FKBP8: variants seen among roughly 807,000 people sequenced by gnomAD.
FKBP8 encodes the protein peptidyl-prolyl cis-trans isomerase FKBP8.
FKBP8 carries 5 observed loss-of-function variants against 41.7 expected under a neutral mutation model. The observed-to-expected ratio is 0.12, with a 90% CI of 0.06 to 0.25. The LOEUF is 0.25. FKBP8 is among the 10% of genes least tolerant of loss of function. The pLI, the probability that FKBP8 is intolerant of heterozygous loss-of-function variation, is 1.00. For missense variants in FKBP8, 397 were observed against 563.0 expected, an observed-to-expected ratio of 0.71 and a Z score of 2.98; for synonymous variants, 279 against 254.5, an observed-to-expected ratio of 1.10 and a Z score of -0.92.
chr19:18,542,639 C>G (rs1976731437), intron 1 of FKBP8: 10 of 266,566 alleles, frequency 3.8e-5, no homozygotes, highest in South Asian at 2.9e-4. Context: ...CCCCCACAAC[C>G]CCAACATCAG....
At chr19:18,539,866 A>C in intron 2 of FKBP8, 146 bp from the exon 3 acceptor site, 6 of 899,516 alleles carry the variant, frequency 6.7e-6, no homozygotes, top group Non-Finnish European at 1.0e-5. Context: ...CAAACTTCCA[A>C]TGGCCACTCT....
At chr19:18,541,542 C>A in intron 2 of FKBP8, 137 bp downstream of exon 2, 1 of 1,230,472 alleles carries the variant, frequency 8.1e-7, no homozygotes, top group South Asian at 1.6e-5. Flanking sequence ...TGTGAAGCAT[C>A]TCCAGTAGTT....
At chr19:18,540,101 G>T (rs749986633) in intron 2 of FKBP8, among the ~76,000 whole-genome samples, 4 of 152,058 alleles carry the variant, frequency 2.6e-5, no homozygotes, top group African/African-American at 7.2e-5. Context: ...GGGCAAAATG[G>T]CAAGAACCCA....
intron 8 of FKBP8, 25 bp downstream of exon 8, chr19:18,532,639 C>G: frequency 6.2e-7 from 1 of 1,612,352 alleles, no homozygotes. Context: ...CACACAGCCC[C>G]TGCCCATTCT....
intron 8 of FKBP8, 181 bp downstream of exon 8, chr19:18,532,483 G>T: frequency 1.9e-6 from 2 of 1,033,092 alleles, no homozygotes; most frequent in Non-Finnish European, 2.8e-6. Context: ...TCCACCCCCA[G>T]CCCTCCAGCT....
rs76591841 is a variant in FKBP8 at position 18,539,534 on chromosome 19, C to T, written c.462+17G>A. 10,797 of 1,612,246 alleles carry T rather than the reference C, an allele frequency of 6.7e-3. 574 individuals carry two copies. The African/African-American group carries it at 0.12, about 18-fold the overall frequency. On this transcript the variant is annotated intron_variant, in intron 3 of 8. Coordinates refer to ENST00000608443, the MANE Select transcript of FKBP8 (RefSeq NM_012181.5). Reference sequence around the variant, plus strand: ...GGCACGCCCCTCGCCCCTGCCCTGTCCCGCCCCAGCCCGCACCTGGATGAC... The same window carrying T: ...GGCACGCCCCTCGCCCCTGCCCTGTTCCGCCCCAGCCCGCACCTGGATGAC...
intron 1 of FKBP8, chr19:18,542,790 GAAC>G (rs1443759477): frequency 1.8e-5 from 14 of 784,332 alleles, no homozygotes; most frequent in Admixed American, 2.4e-5. Context: ...CAGACCTCCT[GAAC>G]CAATAACCAA....
rs769863767 is a variant in FKBP8 at position 18,539,543 on chromosome 19, G to C, written c.462+8C>G. 2.5e-6 allele frequency: 4 copies of C among 1,612,568 alleles called. No individual in the cohort carries two copies. The highest frequency in any genetic ancestry group is 3.4e-6 in the Non-Finnish European group (4 of 1,179,872). ...CTCGCCCCTGCCCTGTCCCGCCCCA[G>C]CCCGCACCTGGATGACGTCACAGTC... On this transcript the variant is annotated splice_region_variant and intron_variant, in intron 3 of 8. Transcript: ENST00000608443.
chr19:18,542,483 A>G (rs10421611), intron 1 of FKBP8: 179,563 of 182,862 alleles, frequency 0.98, 88,184 homozygotes, highest in East Asian at 1. Context: ...AGAGCCTCTA[A>G]GGCCACTGGG....
chr19:18,541,899 G>A lies in FKBP8; in HGVS notation c.72C>T (p.Phe24=), dbSNP rs933275119. ...LPAGVPPLED[F]EVLDGVEDAE... ...CATCCTCAACCCCATCCAGTACCTC[G>A]AAGTCCTCGAGCGGTGGGACCCCGG... Residue 24 remains phenylalanine, a synonymous_variant, in exon 2 of 9, where the codon TTC becomes TTT. Transcript: ENST00000608443. 8.7e-6 allele frequency: 14 copies of A among 1,613,882 alleles called. No homozygotes were observed. The highest frequency in any genetic ancestry group is 6.7e-5 in the Admixed American group (4 of 59,974).
Position 18,537,209 on chromosome 19 carries a change from G to T in FKBP8, c.945+392C>A, listed in dbSNP as rs891160186. Reference sequence around the variant, plus strand: ...AAAAATTAACTGGGTGTGGTGGCTCGCACCTGTAGTCCCAGCTACTTGGGA... The same window carrying T: ...AAAAATTAACTGGGTGTGGTGGCTCTCACCTGTAGTCCCAGCTACTTGGGA... On this transcript the variant is annotated intron_variant, in intron 6 of 8. Coordinates refer to ENST00000608443, the MANE Select transcript of FKBP8 (RefSeq NM_012181.5). The surrounding 1 kb of genome is among the most constrained non-coding windows in gnomAD (Gnocchi z 4.4). 2.0e-5 allele frequency among the ~76,000 whole-genome samples: 3 copies of T among 152,050 alleles called. No individual in the cohort carries two copies. Among genetic ancestry groups the T allele is most frequent in the Non-Finnish European group, 4.4e-5 (3 of 68,018 alleles).
chr19:18,538,028 A>T lies in FKBP8; in HGVS notation c.772+188T>A. On this transcript the variant is annotated intron_variant, in intron 5 of 8. Transcript: ENST00000608443. The surrounding 1 kb of genome is among the most constrained non-coding windows in gnomAD (Gnocchi z 4.0). ...TCCCCATATCCACTTGCATTCTACA[A>T]CACTCCACTGGTCTGGGATATACCA... The T allele has an allele frequency of 1.4e-6, 1 of 708,194 alleles. No homozygotes were observed. Among genetic ancestry groups the T allele is most frequent in the East Asian group, 2.7e-5 (1 of 36,864 alleles). 43.9% of individuals were successfully genotyped at this position (708,194 alleles called of 1,614,324 possible). A position where few individuals can be genotyped will look rare whatever the true frequency, so the allele number is the denominator to read the frequency against.
Position 18,532,103 on chromosome 19 carries a change from TG to T in FKBP8, c.*65del. The stretch of plus-strand genomic sequence containing the variant: ...CAGGGAGGGCAGTGGACAGGGAGCC[TG>T]GGGGAGTTGGGGAGCGCAGGGCAGG... On this transcript the variant is annotated 3_prime_UTR_variant, in exon 9 of 9. Coordinates refer to ENST00000608443, the MANE Select transcript of FKBP8 (RefSeq NM_012181.5). The T allele has an allele frequency of 7.2e-7, 1 of 1,381,262 alleles. No homozygotes were observed. Among genetic ancestry groups the T allele is most frequent in the Non-Finnish European group, 1.0e-6 (1 of 993,378 alleles). 85.6% of individuals were successfully genotyped at this position (1,381,262 alleles called of 1,614,324 possible). A position where few individuals can be genotyped will look rare whatever the true frequency, so the allele number is the denominator to read the frequency against.
chr19:18,539,734 G>A lies in FKBP8; in HGVS notation c.293-14C>T. On this transcript the variant is annotated splice_polypyrimidine_tract_variant and intron_variant, in intron 2 of 8. Transcript: ENST00000608443. ...ACAGCCCGTTCCCTGCCAGGGTCCA[G>A]GGACATGCAGCCTGTCACCTGGCAG... 6.2e-7 allele frequency: 1 copy of A among 1,603,712 alleles called. No homozygotes were observed. Among genetic ancestry groups the A allele is most frequent in the African/African-American group, 1.3e-5 (1 of 75,044 alleles).
In FKBP8 at chr19:18,532,210, C is replaced by T; in HGVS notation, c.1201G>A (p.Gly401Arg). Reference protein sequence around the residue: ...WLFGATAVALGGVALSVVIAA... With the variant: ...WLFGATAVALRGVALSVVIAA... The stretch of plus-strand genomic sequence containing the variant: ...ATGACCACAGAGAGTGCCACACCCC[C>T]CAAGGCAACAGCAGTCGCCCCAAAC... The change falls in exon 9 of 9, where the codon GGG (glycine) becomes AGG (arginine). Residue 401 changes from glycine to arginine, a missense_variant. Around this residue, in one of 2 missense-constraint regions of FKBP8, gnomAD observed 225 missense variants for 366.8 expected, o/e 0.61. Transcript: ENST00000608443. The T allele has an allele frequency of 1.2e-6, 2 of 1,610,096 alleles. No individual in the cohort carries two copies. Among genetic ancestry groups the T allele is most frequent in the Non-Finnish European group, 1.7e-6 (2 of 1,178,638 alleles).
At chr19:18,540,119 C>A (rs1311841698) in intron 2 of FKBP8, among the ~76,000 whole-genome samples, 2 of 152,058 alleles carry the variant, frequency 1.3e-5, no homozygotes, top group Non-Finnish European at 2.9e-5. Context: ...CCAGTCTCCC[C>A]ACCCTCCTCA....
At position 18,537,262 on chromosome 19, in the gene FKBP8, C is replaced by A. The variant is rs745568246; in HGVS notation, c.945+339G>T. 2.0e-5 allele frequency among the ~76,000 whole-genome samples: 3 copies of A among 152,112 alleles called. No homozygotes were observed. The highest frequency in any genetic ancestry group is 2.9e-5 in the Non-Finnish European group (2 of 68,012). On this transcript the variant is annotated intron_variant, in intron 6 of 8. Transcript: ENST00000608443. This position sits in a 1 kb window ranked among gnomAD's most constrained non-coding sequence, Gnocchi z 4.4. ...TTGAGGCAGGACAATCGCTTGAACC[C>A]AGGAGGAGGAGGTTGCGGTGGTGAG...
Position 18,538,871 on chromosome 19 carries a change from G to A in FKBP8, c.552-435C>T, listed in dbSNP as rs905057146. ...GCTCTCTTGCCCAGGCTGGAGTGCA[G>A]TGGTGCAATCTCGGTTCACTGCAAG... On this transcript the variant is annotated intron_variant, in intron 4 of 8. Coordinates refer to ENST00000608443, the MANE Select transcript of FKBP8 (RefSeq NM_012181.5). This position sits in a 1 kb window ranked among gnomAD's most constrained non-coding sequence, Gnocchi z 4.0. 1.4e-5 allele frequency among the ~76,000 whole-genome samples: 2 copies of A among 140,262 alleles called. 1 individual carries two copies. Among genetic ancestry groups the A allele is most frequent in the South Asian group, 4.5e-4 (2 of 4,476 alleles). The allele number at this position is 140,262 out of a possible 152,430, so 92.0% of individuals were successfully genotyped here.
chr19:18,542,500 T>C (rs1976727631), intron 1 of FKBP8: 3 of 179,360 alleles, frequency 1.7e-5, no homozygotes, highest in South Asian at 1.8e-4. Context: ...TGGGGGAAAT[T>C]GAATCTTTTA....
Sources: allele counts gnomAD v4.1 joint callset (sites outside exome capture counted in the v4.1 genomes callset), GRCh38; gene constraint gnomAD v4.1.1; regional missense constraint gnomAD v4.1.1; non-coding constraint Gnocchi (gnomAD v3.1); transcripts MANE v1.5; gene names NCBI Gene and HGNC (gene_info 2026-07-23, HGNC 2026-07-21).